The following DMBX1 variants were observed in gnomAD, a reference collection of about 807,000 sequenced individuals.
DMBX1 encodes diencephalon/mesencephalon homeobox protein 1.
In DMBX1, 7 loss-of-function variants were observed where a neutral mutation model predicts 30.4. The ratio of observed to expected loss-of-function variants is 0.23; its 90% CI spans 0.13 to 0.43. The LOEUF (loss-of-function observed/expected upper bound fraction) is 0.43. Ranked by LOEUF, DMBX1 falls within the 20% of genes least tolerant of loss-of-function variation. The probability of loss-of-function intolerance (pLI) is 1.00; values close to 1 mark genes in which losing one functional copy is unlikely to be tolerated. For missense variants in DMBX1, 460 were observed against 508.5 expected, an observed-to-expected ratio of 0.90 and a Z score of 0.92; for synonymous variants, 222 against 214.2, an observed-to-expected ratio of 1.04 and a Z score of -0.32.
chr1:46,509,606 G>A (rs1406580938), intron 3 of DMBX1, among the ~76,000 whole-genome samples: 1 of 152,150 alleles, frequency 6.6e-6, no homozygotes, highest in Non-Finnish European at 1.5e-5. Context: ...CTCGGCCCTA[G>A]GTAGACACCT....
chr1:46,497,455 GTAA>G (rs1470179261), intron 2 of DMBX1, among the ~76,000 whole-genome samples: 2 of 152,134 alleles, frequency 1.3e-5, no homozygotes, highest in Admixed American at 6.5e-5. Context: ...TTTCCTCTAA[GTAA>G]AGTTTTTCTG....
chr1:46,497,171 T>A (rs1666040247), intron 2 of DMBX1, among the ~76,000 whole-genome samples: 1 of 152,192 alleles, frequency 6.6e-6, no homozygotes, highest in Non-Finnish European at 1.5e-5. Context: ...CTCCACCACT[T>A]ACTAGCTGTG....
rs1666324946 is a variant in DMBX1, at chr1:46,510,080, G to T, written c.155-396G>T. Among the ~76,000 whole-genome samples, 1 of 152,100 alleles carries T rather than the reference G, an allele frequency of 6.6e-6. No homozygotes were observed. Among genetic ancestry groups the T allele is most frequent in the South Asian group, 2.1e-4 (1 of 4,822 alleles). ...GAAGTCTTAGTATTCAGAATCTAAGGGCTATAGGGTCTTAGAACTCCTGTG... is the reference window on the plus strand; with the variant it reads ...GAAGTCTTAGTATTCAGAATCTAAGTGCTATAGGGTCTTAGAACTCCTGTG... On this transcript the variant is annotated intron_variant, in intron 3 of 5. Coordinates refer to ENST00000360032, the MANE Select transcript of DMBX1 (RefSeq NM_172225.2). The surrounding 1 kb of genome is among the most constrained non-coding windows in gnomAD (Gnocchi z 4.1).
intron 2 of DMBX1, among the ~76,000 whole-genome samples, chr1:46,499,256 C>G (rs764816149): frequency 3.9e-4 from 60 of 152,250 alleles, no homozygotes; most frequent in Non-Finnish European, 6.5e-4. Context: ...AGGCTGGTCT[C>G]AAACTCTTGA....
rs185047785 is a variant in DMBX1 at position 46,493,350 on chromosome 1, G to A, written c.-13+2567G>A. 3.5e-4 allele frequency among the ~76,000 whole-genome samples: 53 copies of A among 152,260 alleles called. No individual in the cohort carries two copies. The highest frequency in any genetic ancestry group is 6.5e-4 in the Non-Finnish European group (44 of 68,022). On this transcript the variant is annotated intron_variant, in intron 2 of 5. Coordinates refer to ENST00000360032, the MANE Select transcript of DMBX1 (RefSeq NM_172225.2). This position sits in a 1 kb window ranked among gnomAD's most constrained non-coding sequence, Gnocchi z 4.1. ...TGAGCGAGTCTCAGTTTCCCTTTCT[G>A]TAAGAAGGGCACCGAGCTGGGCTCT...
At chr1:46,506,254 C>T (rs1490323895) in intron 2 of DMBX1, among the ~76,000 whole-genome samples, 2 of 152,270 alleles carry the variant, frequency 1.3e-5, no homozygotes, top group East Asian at 3.9e-4. Flanking sequence ...AACGAGGTTT[C>T]ACTATGTTGG....
chr1:46,498,779 G>A (rs1666070677), intron 2 of DMBX1, among the ~76,000 whole-genome samples: 1 of 152,238 alleles, frequency 6.6e-6, no homozygotes, highest in Admixed American at 6.5e-5. Context: ...ACTGAGGTGG[G>A]CTTCAGACCT....
At chr1:46,501,408 G>C (rs1249719522) in intron 2 of DMBX1, among the ~76,000 whole-genome samples, 1 of 151,718 alleles carries the variant, frequency 6.6e-6, no homozygotes, top group African/African-American at 2.4e-5. Flanking sequence ...AGCCTCCCGA[G>C]TAGCTGGGAT....
rs926574435 is a variant in DMBX1, at chr1:46,506,914, C to G, written c.-12-85C>G. On this transcript the variant is annotated intron_variant, in intron 2 of 5. Transcript: ENST00000360032. ...TTCTGACCCATCAGAAGGTGGGCATCCAGGGTCTGGACTGGGGGTGGGTCT... is the reference window on the plus strand; with the variant it reads ...TTCTGACCCATCAGAAGGTGGGCATGCAGGGTCTGGACTGGGGGTGGGTCT... 7 of 1,495,690 alleles carry G rather than the reference C, an allele frequency of 4.7e-6. No individual in the cohort carries two copies. The East Asian group carries it at 1.6e-4, about 34-fold the overall frequency. The allele number at this position is 1,495,690 out of a possible 1,614,324, so 92.7% of individuals were successfully genotyped here.
At chr1:46,507,238 G>A (rs1223632045) in intron 3 of DMBX1, 74 bp downstream of exon 3, 3 of 1,568,112 alleles carry the variant, frequency 1.9e-6, no homozygotes, top group Non-Finnish European at 1.7e-6. Context: ...AAGGCAAAGA[G>A]GAGAGGGAGC....
intron 2 of DMBX1, among the ~76,000 whole-genome samples, chr1:46,502,384 A>T (rs780513439): frequency 4.7e-5 from 7 of 149,814 alleles, no homozygotes; most frequent in African/African-American, 7.4e-5. Context: ...TCTTTTCCTC[A>T]CATCTTATAA....
At chr1:46,490,996 A>C (rs540849289) in intron 2 of DMBX1, among the ~76,000 whole-genome samples, 3 of 152,312 alleles carry the variant, frequency 2.0e-5, no homozygotes, top group African/African-American at 7.2e-5. Flanking sequence ...GGATGGCCGT[A>C]ACTCAGTCGT....
Position 46,510,535 on chromosome 1 carries a change from G to A in DMBX1, c.214G>A (p.Ala72Thr), listed in dbSNP as rs1557789988. 4 of 1,614,084 alleles carry A rather than the reference G, an allele frequency of 2.5e-6. No individual in the cohort carries two copies. Among genetic ancestry groups the A allele is most frequent in the Non-Finnish European group, 1.7e-6 (2 of 1,180,046 alleles). Residue 72 changes from alanine (A) to threonine (T), a missense_variant, in exon 4 of 6, where the codon GCG (alanine) becomes ACG (threonine). Ala to Thr is a moderately conservative substitution (Grantham distance 58). Coordinates refer to ENST00000360032, the MANE Select transcript of DMBX1 (RefSeq NM_172225.2). This position sits in a 1 kb window ranked among gnomAD's most constrained non-coding sequence, Gnocchi z 4.1. Reference sequence around the variant, plus strand: ...CCGCAAACAACGTCGCAGCCGCACAGCGTTCACGGCTCAGCAGCTCGAGGC... The same window carrying A: ...CCGCAAACAACGTCGCAGCCGCACAACGTTCACGGCTCAGCAGCTCGAGGC... ...QHRKQRRSRT[A>T]FTAQQLEALE... is the part of the protein sequence containing the mutation.
At chr1:46,505,629 T>C (rs927002408) in intron 2 of DMBX1, among the ~76,000 whole-genome samples, 8 of 151,456 alleles carry the variant, frequency 5.3e-5, no homozygotes, top group African/African-American at 1.7e-4. Context: ...AGGGATAGCA[T>C]TGGGAGATAT....
At chr1:46,499,750 G>A (rs1201731940) in intron 2 of DMBX1, among the ~76,000 whole-genome samples, 1 of 152,216 alleles carries the variant, frequency 6.6e-6, no homozygotes, top group Non-Finnish European at 1.5e-5. Context: ...GCATGATATA[G>A]TTTCTGCCCT....
At chr1:46,495,306 G>A (rs1020056404) in intron 2 of DMBX1, among the ~76,000 whole-genome samples, 2 of 152,166 alleles carry the variant, frequency 1.3e-5, no homozygotes. Flanking sequence ...TGGGCACTGG[G>A]TCCTGAGTAC....
In DMBX1 at chr1:46,513,520, C is replaced by G. The variant is rs1172589645; in HGVS notation, c.*1026C>G. The G allele has an allele frequency of 6.6e-6, 1 of 152,206 alleles. No individual in the cohort carries two copies. The highest frequency in any genetic ancestry group is 2.4e-5 in the African/African-American group (1 of 41,450). 9.4% of individuals were successfully genotyped at this position (152,206 alleles called of 1,614,324 possible). ...GAAGGCAGTAGAATGGCCAGCATTCCTGCCTGTAAGTCTTCCCAAGACAGA... is the reference window on the plus strand; with the variant it reads ...GAAGGCAGTAGAATGGCCAGCATTCGTGCCTGTAAGTCTTCCCAAGACAGA... On this transcript the variant is annotated 3_prime_UTR_variant, in exon 6 of 6. Coordinates refer to ENST00000360032, the MANE Select transcript of DMBX1 (RefSeq NM_172225.2).
At position 46,507,091 on chromosome 1, in the gene DMBX1, A is replaced by C. The variant is rs766130688; in HGVS notation, c.81A>C (p.Ala27=). The change falls in exon 3 of 6, where the codon GCA becomes GCC. Residue 27 remains alanine (A), a synonymous_variant. Coordinates refer to ENST00000360032, the MANE Select transcript of DMBX1 (RefSeq NM_172225.2). The part of the protein sequence containing the change: ...LSAMYNLHQQ[A]AQQAQHAPDY... ...CCATGTACAACCTGCACCAGCAGGC[A>C]GCCCAGCAGGCCCAGCATGCCCCCG... 23 of 1,614,246 alleles carry C rather than the reference A, an allele frequency of 1.4e-5. No homozygotes were observed. The Admixed American group carries it at 3.8e-4, about 27-fold the overall frequency.
chr1:46,495,377 C>T (rs1429709200), intron 2 of DMBX1, among the ~76,000 whole-genome samples: 1 of 152,224 alleles, frequency 6.6e-6, no homozygotes, highest in Non-Finnish European at 1.5e-5. Context: ...GCACTGATTT[C>T]ACAATTTGGA....
Sources: gnomAD v4.1 joint callset for allele counts (sites outside exome capture counted in the v4.1 genomes callset) on GRCh38, gnomAD v4.1.1 for gene constraint, Gnocchi (gnomAD v3.1) non-coding constraint, MANE v1.5 for transcripts, NCBI Gene and HGNC (gene_info 2026-07-23, HGNC 2026-07-21) for gene names.